The following LIPA variants were observed in gnomAD, a reference collection of about 807,000 sequenced individuals.
LIPA encodes the protein lysosomal acid lipase/cholesteryl ester hydrolase.
In LIPA, 26 loss-of-function variants were observed where a neutral mutation model predicts 40.6. The ratio of observed to expected loss-of-function variants is 0.64; its 90% CI spans 0.47 to 0.89. The LOEUF is 0.89. Among genes scored for constraint, LIPA ranks in the 40% least tolerant of loss-of-function variants. The probability of loss-of-function intolerance (pLI) is 0.00; values close to 1 mark genes in which losing one functional copy is unlikely to be tolerated. For synonymous variants in LIPA, 188 were observed against 168.4 expected (o/e 1.12, Z -0.90); for missense variants, 455 against 479.6 (o/e 0.95, Z 0.48).
chr10:89,362,051 C>G (rs2133592498), intron 2 of LIPA, among the ~76,000 whole-genome samples: 1 of 151,994 alleles, frequency 6.6e-6, no homozygotes, highest in South Asian at 2.1e-4. Context: ...AGGTGTGTGC[C>G]ACCATGCCCA....
At chr10:89,301,920 GAA>G (rs1434944649) in intron 1 of LIPA, 2 of 513,816 alleles carry the variant, frequency 3.9e-6, no homozygotes, top group East Asian at 6.1e-5. Flanking sequence ...AAGAAAAAAA[GAA>G]AAAGAGTCCT....
upstream of LIPA, among the ~76,000 whole-genome samples, chr10:89,347,062 C>G (rs886324257): frequency 2.0e-5 from 3 of 152,266 alleles, no homozygotes; most frequent in South Asian, 6.2e-4. Flanking sequence ...TTTGATGATT[C>G]ACTGGAAAGA....
At chr10:89,348,099 G>T (rs993038027) in intron 2 of LIPA, among the ~76,000 whole-genome samples, 5 of 152,218 alleles carry the variant, frequency 3.3e-5, no homozygotes, top group Non-Finnish European at 7.3e-5. Context: ...GAAAGTTCCA[G>T]AGTGGATCCC....
At chr10:89,408,196 G>C (rs767950113) in intron 2 of LIPA, among the ~76,000 whole-genome samples, 1 of 152,142 alleles carries the variant, frequency 6.6e-6, no homozygotes, top group Non-Finnish European at 1.5e-5. Context: ...AAAAGAGGTG[G>C]CTCATTTTTT....
chr10:89,237,985 C>A (rs551230285), intron 3 of LIPA, among the ~76,000 whole-genome samples: 1 of 152,180 alleles, frequency 6.6e-6, no homozygotes. Flanking sequence ...TCATGAAGGT[C>A]TGGAAGAATT....
At chr10:89,264,620 T>C (rs1292133995) in intron 1 of LIPA, among the ~76,000 whole-genome samples, 1 of 152,196 alleles carries the variant, frequency 6.6e-6, no homozygotes, top group Admixed American at 6.5e-5. Context: ...CCAGAGTGGG[T>C]AGCTCCTATC....
intron 5 of LIPA, 49 bp downstream of exon 5, chr10:89,226,844 ACT>A (rs779086988): frequency 3.1e-5 from 34 of 1,083,496 alleles, no homozygotes; most frequent in Non-Finnish European, 4.4e-5. Context: ...AAAAGTACAA[ACT>A]CTGTAATGAA....
intron 1 of LIPA, among the ~76,000 whole-genome samples, chr10:89,279,903 C>T (rs187636298): frequency 7.9e-5 from 12 of 152,050 alleles, no homozygotes; most frequent in South Asian, 2.1e-4. Flanking sequence ...TTCTAATTTC[C>T]GGAATGCATC....
chr10:89,266,910 A>C (rs988364704), intron 1 of LIPA, among the ~76,000 whole-genome samples: 1 of 152,382 alleles, frequency 6.6e-6, no homozygotes, highest in East Asian at 1.9e-4. Context: ...TGCAGAGTGC[A>C]TCAAGATTAC....
chr10:89,370,103 T>C (rs1311384265), intron 2 of LIPA, among the ~76,000 whole-genome samples: 1 of 152,274 alleles, frequency 6.6e-6, no homozygotes, highest in Non-Finnish European at 1.5e-5. Flanking sequence ...AATTTATATT[T>C]AAATTAATTA....
At chr10:89,407,133 A>G (rs1841423039) in intron 2 of LIPA, among the ~76,000 whole-genome samples, 1 of 152,152 alleles carries the variant, frequency 6.6e-6, no homozygotes, top group Admixed American at 6.5e-5. Flanking sequence ...AAGGGTTGAC[A>G]GGGAGGAAAG....
intron 2 of LIPA, chr10:89,393,454 C>T: frequency 2.1e-6 from 1 of 477,852 alleles, no homozygotes; most frequent in Non-Finnish European, 3.3e-6. Context: ...TTACTTAGGC[C>T]GGGCAAGGGG....
In LIPA at chr10:89,225,146, G is replaced by T. The variant is rs373314455; in HGVS notation, c.621C>A (p.Ala207=). 2.5e-6 allele frequency: 4 copies of T among 1,614,194 alleles called. No homozygotes were observed. The highest frequency in any genetic ancestry group is 2.7e-5 in the African/African-American group (2 of 75,050). Residue 207 remains alanine, a synonymous_variant, in exon 6 of 10, where the codon GCC becomes GCA. Coordinates refer to ENST00000336233, the MANE Select transcript of LIPA (RefSeq NM_000235.4). ...FFALGPVASV[A]FCTSPMAKLG... is the part of the protein sequence containing the mutation. ...ATTTGGCCATAGGGCTAGTACAGAA[G>T]GCGACGGAAGCCACAGGACCCAGGG...
At chr10:89,333,271 C>A (rs966550344) in intron 1 of LIPA, among the ~76,000 whole-genome samples, 4 of 152,182 alleles carry the variant, frequency 2.6e-5, no homozygotes, top group Non-Finnish European at 5.9e-5. Context: ...TCATATCAAC[C>A]TGAGTCTTCT....
intron 1 of LIPA, among the ~76,000 whole-genome samples, chr10:89,332,879 C>T (rs1311846684): frequency 6.6e-6 from 1 of 152,110 alleles, no homozygotes. Flanking sequence ...CCTAGAGAGC[C>T]CATGCTCAGA....
At chr10:89,352,361 G>T (rs903100660) in intron 2 of LIPA, among the ~76,000 whole-genome samples, 1 of 152,120 alleles carries the variant, frequency 6.6e-6, no homozygotes, top group African/African-American at 2.4e-5. Flanking sequence ...CATGGATCAC[G>T]CTAACACCAC....
chr10:89,260,410 G>C (rs866546526), intron 1 of LIPA, among the ~76,000 whole-genome samples: 1 of 152,192 alleles, frequency 6.6e-6, no homozygotes, highest in Non-Finnish European at 1.5e-5. Context: ...GAGAAGCTGG[G>C]GAACCTGAGG....
chr10:89,311,533 A>AG (rs1214450341), intron 1 of LIPA, among the ~76,000 whole-genome samples: 1 of 151,594 alleles, frequency 6.6e-6, no homozygotes, highest in Non-Finnish European at 1.5e-5. Flanking sequence ...TCAAAAAAAA[A>AG]AAAAAAAAAA....
chr10:89,271,141 T>C (rs1260712537), intron 1 of LIPA, among the ~76,000 whole-genome samples: 1 of 152,242 alleles, frequency 6.6e-6, no homozygotes, highest in Non-Finnish European at 1.5e-5. Context: ...CTCATCTGTC[T>C]TCTCATGGGG....
Sources: allele counts gnomAD v4.1 joint callset (sites outside exome capture counted in the v4.1 genomes callset), GRCh38; gene constraint gnomAD v4.1.1; transcripts MANE v1.5; gene names NCBI Gene and HGNC (gene_info 2026-07-23, HGNC 2026-07-21).